Variants in SLC37A2 observed in about 807,000 individuals in gnomAD.
SLC37A2 encodes the protein solute carrier family 37 member 2.
In SLC37A2, 59 loss-of-function variants were observed where a neutral mutation model predicts 70.7. The ratio of observed to expected loss-of-function variants is 0.83; its 90% CI spans 0.68 to 1.04. The LOEUF (loss-of-function observed/expected upper bound fraction) is 1.04, where lower values mean the gene tolerates loss of function less well. Ranked by LOEUF, SLC37A2 falls within the 50% of genes least tolerant of loss-of-function variation. The pLI is 0.00. For synonymous variants in SLC37A2, 257 were observed against 262.1 expected (o/e 0.98, Z 0.19); for missense variants, 580 against 658.1 (o/e 0.88, Z 1.30).
Position 125,063,611 on chromosome 11 carries a change from C to T in SLC37A2, c.59+185C>T, listed in dbSNP as rs1948952749. The stretch of plus-strand genomic sequence containing the variant: ...CCTCGGAGGTTGATAACCCTCCCTG[C>T]CCAACTCCGCCCGCGCTCCCCCAGA... On this transcript the variant is annotated intron_variant, in intron 1 of 17. Coordinates refer to ENST00000403796, the MANE Select transcript of SLC37A2 (RefSeq NM_001145290.2). This position sits in a 1 kb window ranked among gnomAD's most constrained non-coding sequence, Gnocchi z 5.4. Among the ~76,000 whole-genome samples, 1 of 151,628 alleles carries T rather than the reference C, an allele frequency of 6.6e-6. No individual in the cohort carries two copies. Among genetic ancestry groups the T allele is most frequent in the African/African-American group, 2.4e-5 (1 of 40,888 alleles).
chr11:125,073,137 G>A (rs1330797735), intron 1 of SLC37A2, among the ~76,000 whole-genome samples: 1 of 152,166 alleles, frequency 6.6e-6, no homozygotes, highest in African/African-American at 2.4e-5. Flanking sequence ...GGCAGGGCTG[G>A]AATCTTGGAA....
intron 9 of SLC37A2, 119 bp from the exon 10 acceptor site, chr11:125,082,125 G>C: frequency 9.2e-7 from 1 of 1,086,234 alleles, no homozygotes. Context: ...ATGTGTTGGA[G>C]GCTGCCTTGT....
rs12276567 is a variant in SLC37A2, at chr11:125,077,253, G to A, written c.165G>A (p.Ser55=). The change falls in exon 3 of 18, where the codon TCG becomes TCA. Residue 55 remains serine, a synonymous_variant. Coordinates refer to ENST00000403796, the MANE Select transcript of SLC37A2 (RefSeq NM_001145290.2). ...IVKSRLHQNC[S]EQIKPINDTH... ...AGAGCCGTCTGCACCAGAACTGCTC[G>A]GAGCAGATCAAACCCATCAATGATA... is the stretch of plus-strand genomic sequence containing the variant. The A allele has an allele frequency of 0.27, 437,661 of 1,601,944 alleles. 63,406 individuals are homozygous for A. The highest frequency in any genetic ancestry group is 0.49 in the African/African-American group (36,531 of 74,564).
At chr11:125,081,981 C>A in intron 9 of SLC37A2, 75 bp downstream of exon 9, 1 of 1,477,736 alleles carries the variant, frequency 6.8e-7, no homozygotes, top group Non-Finnish European at 9.1e-7. Flanking sequence ...AGATGGGGTG[C>A]TTGGGTGATC....
At chr11:125,085,508 T>C in intron 15 of SLC37A2, 35 bp downstream of exon 15, 9 of 1,613,504 alleles carry the variant, frequency 5.6e-6, no homozygotes, top group Non-Finnish European at 7.6e-6. Flanking sequence ...GGCCGGCCCC[T>C]AGGCATAGTG....
intron 4 of SLC37A2, among the ~76,000 whole-genome samples, chr11:125,078,457 A>T (rs1222163571): frequency 6.6e-6 from 1 of 152,138 alleles, no homozygotes; most frequent in East Asian, 1.9e-4. Flanking sequence ...ATGTTACTAC[A>T]GTGGTGATAG....
chr11:125,077,153 C>T, intron 2 of SLC37A2, 77 bp from the exon 3 acceptor site: 1 of 1,140,318 alleles, frequency 8.8e-7, no homozygotes, highest in Non-Finnish European at 1.3e-6. Context: ...GGCAGTGTCT[C>T]CAGTATGGTT....
At position 125,090,273 on chromosome 11, in the gene SLC37A2, G is replaced by A. The variant is rs867573845; in HGVS notation, c.*2139G>A. 21 of 152,084 alleles carry A rather than the reference G, an allele frequency of 1.4e-4. No homozygotes were observed. Among genetic ancestry groups the A allele is most frequent in the African/African-American group, 4.8e-4 (20 of 41,492 alleles). The allele number at this position is 152,084 out of a possible 1,614,324, so 9.4% of individuals were successfully genotyped here. On this transcript the variant is annotated 3_prime_UTR_variant, in exon 18 of 18. Coordinates refer to ENST00000403796, the MANE Select transcript of SLC37A2 (RefSeq NM_001145290.2). ...TGGGGCCTTGGAGAACCTGTGTGTC[G>A]AAACTCTGTATCTAACTAATCTGAT...
Position 125,083,988 on chromosome 11 carries a change from GA to G in SLC37A2, c.1039+116del. ...ATGACCTGGGTAGGTGGCACCAGAGGAAAAATGGCTCCTGGGTTTATTCTCA... is the reference window on the plus strand; with the variant it reads ...ATGACCTGGGTAGGTGGCACCAGAGGAAAATGGCTCCTGGGTTTATTCTCA... On this transcript the variant is annotated intron_variant, in intron 11 of 17. Coordinates refer to ENST00000403796, the MANE Select transcript of SLC37A2 (RefSeq NM_001145290.2). The surrounding 1 kb of genome is among the most constrained non-coding windows in gnomAD (Gnocchi z 4.6). 3.6e-6 allele frequency: 4 copies of G among 1,107,968 alleles called. No individual in the cohort carries two copies. The highest frequency in any genetic ancestry group is 1.3e-5 in the South Asian group (1 of 75,806). The allele number at this position is 1,107,968 out of a possible 1,614,324, so 68.6% of individuals were successfully genotyped here.
At chr11:125,081,650 C>T (rs1257766787) in intron 8 of SLC37A2, 104 bp from the exon 9 acceptor site, 26 of 1,449,388 alleles carry the variant, frequency 1.8e-5, no homozygotes, top group Non-Finnish European at 2.3e-5. Context: ...CGAACGTGTG[C>T]CTCCCCATCC....
rs1248723155 is a variant in SLC37A2 at position 125,083,037 on chromosome 11, A to G, written c.976+703A>G. 2 of 151,502 alleles carry G rather than the reference A, an allele frequency of 1.3e-5. No individual in the cohort carries two copies. The highest frequency in any genetic ancestry group is 2.9e-5 in the Non-Finnish European group (2 of 68,084). 9.4% of individuals were successfully genotyped at this position (151,502 alleles called of 1,614,324 possible). A position where few individuals can be genotyped will look rare whatever the true frequency, so the allele number is the denominator to read the frequency against. On this transcript the variant is annotated intron_variant, in intron 10 of 17. Transcript: ENST00000403796. The surrounding 1 kb of genome is among the most constrained non-coding windows in gnomAD (Gnocchi z 4.6). ...CAGCCCCCAGGAGCCTCCAAGCTCCACCAGGGCTGAGGGCCTGTCACCCAG... is the reference window on the plus strand; with the variant it reads ...CAGCCCCCAGGAGCCTCCAAGCTCCGCCAGGGCTGAGGGCCTGTCACCCAG...
rs1236615030 is a variant in SLC37A2 at position 125,065,753 on chromosome 11, T to TA, written c.59+2337dup. Reference sequence around the variant, plus strand: ...ACCAATTTTTCTAATTATGTACTGGTAAAAAAAAAATTCTTACTGAACCTG... The same window carrying TA: ...ACCAATTTTTCTAATTATGTACTGGTAAAAAAAAAAATTCTTACTGAACCTG... On this transcript the variant is annotated intron_variant, in intron 1 of 17. Transcript: ENST00000403796. Among the ~76,000 whole-genome samples, 462 of 150,364 alleles carry TA rather than the reference T, an allele frequency of 3.1e-3. 6 individuals are homozygous for TA. Among genetic ancestry groups the TA allele is most frequent in the Middle Eastern group, 0.017 (5 of 290 alleles).
At chr11:125,077,199 C>T (rs903256945) in intron 2 of SLC37A2, 31 bp from the exon 3 acceptor site, 1 of 1,534,426 alleles carries the variant, frequency 6.5e-7, no homozygotes, top group South Asian at 1.3e-5. Flanking sequence ...CTGGGTCAAC[C>T]CCTGACCTGT....
At chr11:125,084,201 G>T (rs770700723) in intron 11 of SLC37A2, 33 bp from the exon 12 acceptor site, 6 of 1,612,496 alleles carry the variant, frequency 3.7e-6, no homozygotes, top group Non-Finnish European at 5.1e-6. Context: ...GGTCCTGTCT[G>T]GGAGTCAGTG....
chr11:125,080,719 C>T lies in SLC37A2; in HGVS notation c.633C>T (p.Phe211=), dbSNP rs376016654. Residue 211 remains phenylalanine (F), a synonymous_variant, in exon 7 of 18, where the codon TTC becomes TTT. Transcript: ENST00000403796. The surrounding 1 kb of genome is among the most constrained non-coding windows in gnomAD (Gnocchi z 4.3). Reference sequence around the variant, plus strand: ...TGAACGGGCAGTGGGGCCTGTCGTTCATCGTGCCTGGCATCATTACTGCCG... The same window carrying T: ...TGAACGGGCAGTGGGGCCTGTCGTTTATCGTGCCTGGCATCATTACTGCCG... ...IWVNGQWGLS[F]IVPGIITAVM... 2 of 1,572,084 alleles carry T rather than the reference C, an allele frequency of 1.3e-6. No homozygotes were observed. The highest frequency in any genetic ancestry group is 1.7e-6 in the Non-Finnish European group (2 of 1,158,318).
intron 1 of SLC37A2, among the ~76,000 whole-genome samples, chr11:125,075,100 G>A (rs1211363804): frequency 6.6e-6 from 1 of 152,176 alleles, no homozygotes; most frequent in Non-Finnish European, 1.5e-5. Flanking sequence ...TTCACGGGAG[G>A]TTACACAGGC....
At chr11:125,085,306 C>T in intron 14 of SLC37A2, 89 bp from the exon 15 acceptor site, 12 of 1,398,822 alleles carry the variant, frequency 8.6e-6, no homozygotes, top group Non-Finnish European at 1.1e-5. Context: ...ACCCCAGTTA[C>T]CACCTTCCCT....
Position 125,083,793 on chromosome 11 carries a change from C to T in SLC37A2, c.977-22C>T. 1 of 1,609,974 alleles carries T rather than the reference C, an allele frequency of 6.2e-7. No individual in the cohort carries two copies. Among genetic ancestry groups the T allele is most frequent in the Admixed American group, 1.7e-5 (1 of 60,018 alleles). The stretch of plus-strand genomic sequence containing the variant: ...GTTTGCCCCAAACCCCAGGTCTGAC[C>T]ACATACCTGTATTTTCCACAGCTCA... On this transcript the variant is annotated intron_variant, in intron 10 of 17. Transcript: ENST00000403796. The surrounding 1 kb of genome is among the most constrained non-coding windows in gnomAD (Gnocchi z 4.6).
At chr11:125,071,624 C>T (rs12276686) in intron 1 of SLC37A2, among the ~76,000 whole-genome samples, 27,529 of 152,272 alleles carry the variant, frequency 0.18, 2,769 homozygotes, top group African/African-American at 0.26. Flanking sequence ...CGAGTCATCT[C>T]GATCTCTCTG....
Sources: gnomAD v4.1 joint callset for allele counts (sites outside exome capture counted in the v4.1 genomes callset) on GRCh38, gnomAD v4.1.1 for gene constraint, Gnocchi (gnomAD v3.1) non-coding constraint, MANE v1.5 for transcripts, NCBI Gene and HGNC (gene_info 2026-07-23, HGNC 2026-07-21) for gene names.